ASCC3: variants seen among roughly 807,000 people sequenced by gnomAD.
ASCC3 encodes ASC-1 complex subunit P200.
A neutral mutation model predicts 256.3 loss-of-function variants in ASCC3; 158 were observed. That is an observed-to-expected ratio of 0.62 (90% CI 0.54 to 0.70). ASCC3 has a LOEUF of 0.70. Among genes scored for constraint, ASCC3 ranks in the 30% least tolerant of loss-of-function variants. ASCC3 has a pLI of 0.00. For missense variants in ASCC3, 2,259 were observed against 2,626.0 expected, an observed-to-expected ratio of 0.86 and a Z score of 3.05; for synonymous variants, 948 against 883.4, an observed-to-expected ratio of 1.07 and a Z score of -1.30.
chr6:100,855,437 T>C (rs1426853584), intron 3 of ASCC3, among the ~76,000 whole-genome samples: 4 of 152,246 alleles, frequency 2.6e-5, no homozygotes, highest in Admixed American at 6.5e-5. Flanking sequence ...CTGTTTACAA[T>C]TGTTTAGCTA....
chr6:100,653,508 C>G (rs1010538659), intron 17 of ASCC3, among the ~76,000 whole-genome samples: 1 of 151,466 alleles, frequency 6.6e-6, no homozygotes, highest in Admixed American at 6.6e-5. Context: ...TATGGTGGTG[C>G]GCGCCTGTAA....
intron 16 of ASCC3, among the ~76,000 whole-genome samples, chr6:100,661,240 A>C (rs1287136809): frequency 6.6e-6 from 1 of 150,648 alleles, no homozygotes; most frequent in Non-Finnish European, 1.5e-5. Flanking sequence ...ATATACTCTA[A>C]ATTTTAAGAA....
At chr6:100,567,290 G>A (rs1409579382) in intron 36 of ASCC3, among the ~76,000 whole-genome samples, 1 of 151,896 alleles carries the variant, frequency 6.6e-6, no homozygotes, top group South Asian at 2.1e-4. Context: ...TACACTGTTT[G>A]TACCTTAATT....
At chr6:100,515,005 A>G (rs995585029) in intron 39 of ASCC3, among the ~76,000 whole-genome samples, 1 of 152,202 alleles carries the variant, frequency 6.6e-6, no homozygotes, top group Non-Finnish European at 1.5e-5. Context: ...AACCATCATC[A>G]TATCAGACAG....
chr6:100,665,585 A>C (rs239220), intron 14 of ASCC3, among the ~76,000 whole-genome samples: 14,490 of 148,178 alleles, frequency 0.098, 999 homozygotes, highest in African/African-American at 0.21. Flanking sequence ...AACAAACAAA[A>C]AAAAAATAGC....
At chr6:100,575,059 A>C (rs1377595055) in intron 36 of ASCC3, among the ~76,000 whole-genome samples, 1 of 152,044 alleles carries the variant, frequency 6.6e-6, no homozygotes, top group East Asian at 1.9e-4. Context: ...AAGATATCCC[A>C]TTAGGTTTCC....
rs1391590298 is a variant in ASCC3, at chr6:100,532,380, A to ATGTGTG, written c.5775+7782_5775+7783insCACACA. On this transcript the variant is annotated intron_variant, in intron 37 of 41. Coordinates refer to ENST00000369162, the MANE Select transcript of ASCC3 (RefSeq NM_006828.4). The stretch of plus-strand genomic sequence containing the variant: ...TGTGTGTGTGTGTGTGTATGTGTGT[A>ATGTGTG]TATATATATATATATATATATATAT... Among the ~76,000 whole-genome samples, 278 of 68,614 alleles carry ATGTGTG rather than the reference A, an allele frequency of 4.1e-3. 1 individual carries two copies. Among genetic ancestry groups the ATGTGTG allele is most frequent in the East Asian group, 0.028 (64 of 2,278 alleles). The allele number at this position is 68,614 out of a possible 152,430, so 45.0% of individuals were successfully genotyped here. A position where few individuals can be genotyped will look rare whatever the true frequency, so the allele number is the denominator to read the frequency against.
At chr6:100,547,038 A>G (rs1769006745) in intron 36 of ASCC3, among the ~76,000 whole-genome samples, 1 of 152,092 alleles carries the variant, frequency 6.6e-6, no homozygotes, top group East Asian at 1.9e-4. Context: ...AAAAATGTAT[A>G]CATTGGAATT....
rs1187533192 is a variant in ASCC3 at position 100,766,549 on chromosome 6, T to C, written c.1737+16A>G. ...AAAGAATGGTATTAAACAAAAAATC[T>C]AGGTAAACAACATACCTGAGTTCGT... On this transcript the variant is annotated intron_variant, in intron 10 of 41. Transcript: ENST00000369162. 2 of 1,613,554 alleles carry C rather than the reference T, an allele frequency of 1.2e-6. No homozygotes were observed. Among genetic ancestry groups the C allele is most frequent in the Admixed American group, 1.7e-5 (1 of 60,018 alleles).
At chr6:100,623,969 G>T (rs1027837218) in intron 30 of ASCC3, among the ~76,000 whole-genome samples, 1 of 151,894 alleles carries the variant, frequency 6.6e-6, no homozygotes, top group African/African-American at 2.4e-5. Context: ...CCTGTTGTGG[G>T]GTGGGAGGAG....
rs558262083 is a variant in ASCC3 at position 100,652,961 on chromosome 6, A to C, written c.2824-72T>G. On this transcript the variant is annotated intron_variant, in intron 17 of 41. Coordinates refer to ENST00000369162, the MANE Select transcript of ASCC3 (RefSeq NM_006828.4). ...ACCATTTGCAAACATATATTTATTT[A>C]TGGAAATTAAAACTTTTCTTAATGT... 7.2e-4 allele frequency: 1,029 copies of C among 1,431,552 alleles called. 4 individuals carry two copies. Among genetic ancestry groups the C allele is most frequent in the Middle Eastern group, 2.5e-3 (14 of 5,634 alleles). The allele number at this position is 1,431,552 out of a possible 1,614,324, so 88.7% of individuals were successfully genotyped here.
intron 36 of ASCC3, among the ~76,000 whole-genome samples, chr6:100,556,808 C>A (rs1769598803): frequency 6.6e-6 from 1 of 151,326 alleles, no homozygotes; most frequent in Non-Finnish European, 1.5e-5. Context: ...GTGATGAGAA[C>A]CCAAATAGGA....
intron 36 of ASCC3, among the ~76,000 whole-genome samples, chr6:100,587,916 A>G (rs1033987180): frequency 6.6e-6 from 1 of 152,164 alleles, no homozygotes; most frequent in African/African-American, 2.4e-5. Flanking sequence ...TTAGTGGAGT[A>G]AACAGGGGTA....
chr6:100,577,262 CTATAT>C (rs907957997), intron 36 of ASCC3, among the ~76,000 whole-genome samples: 9 of 151,772 alleles, frequency 5.9e-5, no homozygotes, highest in African/African-American at 2.2e-4. Flanking sequence ...AATTTTTGGC[CTATAT>C]TATATCTGTC....
rs1311862068 is a variant in ASCC3, at chr6:100,854,472, C to T, written c.242-5765G>A. ...TACTTAAATGTTAAAATTATTACTA[C>T]ATTTACATAAAAACTGTTGCCTTTG... On this transcript the variant is annotated intron_variant, in intron 3 of 41. Transcript: ENST00000369162. Among the ~76,000 whole-genome samples the T allele has an allele frequency of 5.9e-5, 9 of 152,116 alleles. No individual in the cohort carries two copies. In the East Asian group the frequency reaches 1.7e-3, roughly 29 times the overall value.
At chr6:100,551,573 A>G (rs1769301235) in intron 36 of ASCC3, among the ~76,000 whole-genome samples, 1 of 151,994 alleles carries the variant, frequency 6.6e-6, no homozygotes, top group Non-Finnish European at 1.5e-5. Context: ...TTATATCTAC[A>G]CTGTACTTGA....
At chr6:100,724,306 G>A (rs987136479) in intron 11 of ASCC3, among the ~76,000 whole-genome samples, 1 of 151,656 alleles carries the variant, frequency 6.6e-6, no homozygotes, top group Non-Finnish European at 1.5e-5. Context: ...ACAGGTTTGA[G>A]AACTGGTAAC....
intron 4 of ASCC3, among the ~76,000 whole-genome samples, chr6:100,838,315 T>C (rs1298504626): frequency 6.6e-6 from 1 of 152,048 alleles, no homozygotes; most frequent in Non-Finnish European, 1.5e-5. Flanking sequence ...TGACAGTTCA[T>C]ATGGATCTGA....
At chr6:100,742,975 C>T (rs374243753) in intron 10 of ASCC3, among the ~76,000 whole-genome samples, 61 of 152,288 alleles carry the variant, frequency 4.0e-4, no homozygotes, top group Admixed American at 1.5e-3. Context: ...CCAGGGATCT[C>T]GAGGCCATAC....
Sources: allele counts gnomAD v4.1 joint callset (sites outside exome capture counted in the v4.1 genomes callset), GRCh38; gene constraint gnomAD v4.1.1; transcripts MANE v1.5; gene names NCBI Gene and HGNC (gene_info 2026-07-23, HGNC 2026-07-21).